Variants in PCBP3 observed in about 807,000 individuals in gnomAD.
PCBP3 encodes poly(rC)-binding protein 3.
PCBP3 carries 25 observed loss-of-function variants against 52.7 expected under a neutral mutation model. The ratio of observed to expected loss-of-function variants is 0.47; its 90% CI spans 0.35 to 0.66. The LOEUF (loss-of-function observed/expected upper bound fraction) is 0.66, where lower values mean the gene tolerates loss of function less well. PCBP3 is among the 30% of genes least tolerant of loss of function. The probability of loss-of-function intolerance (pLI) is 0.01; values close to 1 mark genes in which losing one functional copy is unlikely to be tolerated. For synonymous variants in PCBP3, 162 were observed against 183.0 expected (o/e 0.89, Z 0.93); for missense variants, 391 against 490.3 (o/e 0.80, Z 1.91).
intron 12 of PCBP3, chr21:45,916,184 T>C (rs2073374855): frequency 6.6e-6 from 1 of 152,242 alleles, no homozygotes; most frequent in Non-Finnish European, 1.5e-5. Context: ...ATGCTTGAGC[T>C]CTTGTGGTTC....
At position 45,741,413 on chromosome 21, in the gene PCBP3, G is replaced by A. The variant is rs1298924076; in HGVS notation, c.-162+5984G>A. Among the ~76,000 whole-genome samples the A allele has an allele frequency of 1.3e-5, 2 of 152,166 alleles. No homozygotes were observed. The highest frequency in any genetic ancestry group is 1.9e-4 in the East Asian group (1 of 5,192). On this transcript the variant is annotated intron_variant, in intron 3 of 17. Transcript: ENST00000681687. The surrounding 1 kb of genome is among the most constrained non-coding windows in gnomAD (Gnocchi z 4.5). Reference sequence around the variant, plus strand: ...AGTCCTGGAAAGTGGGGAGGAGGGCGAGGTAGGGGCTCAGGAGAGTCAGTG... The same window carrying A: ...AGTCCTGGAAAGTGGGGAGGAGGGCAAGGTAGGGGCTCAGGAGAGTCAGTG...
chr21:45,756,908 G>A (rs914748436), intron 4 of PCBP3, among the ~76,000 whole-genome samples: 5 of 152,076 alleles, frequency 3.3e-5, no homozygotes, highest in South Asian at 2.1e-4. Flanking sequence ...TATAGTTGAC[G>A]GGTATTTAGT....
At chr21:45,806,185 C>T (rs1252135585) in intron 4 of PCBP3, among the ~76,000 whole-genome samples, 1 of 152,224 alleles carries the variant, frequency 6.6e-6, no homozygotes, top group East Asian at 1.9e-4. Flanking sequence ...GCAGAATCAC[C>T]CTCGTGGCAG....
At chr21:45,803,109 T>C (rs192281323) in intron 4 of PCBP3, among the ~76,000 whole-genome samples, 1 of 152,342 alleles carries the variant, frequency 6.6e-6, no homozygotes, top group East Asian at 1.9e-4. Context: ...GAAAACAGCC[T>C]GTCTCTGCCT....
At chr21:45,733,515 TCTC>T (rs1476876164) in intron 2 of PCBP3, among the ~76,000 whole-genome samples, 2 of 152,008 alleles carry the variant, frequency 1.3e-5, no homozygotes, top group Non-Finnish European at 1.5e-5. Flanking sequence ...ATGGTCTCGA[TCTC>T]CTGACCTCAT....
intron 2 of PCBP3, among the ~76,000 whole-genome samples, chr21:45,674,424 A>G (rs1484060549): frequency 6.6e-6 from 1 of 152,202 alleles, no homozygotes; most frequent in Non-Finnish European, 1.5e-5. Flanking sequence ...GCCCAAGACC[A>G]TGATTCTGTC....
At chr21:45,645,959 G>T (rs139111280) in intron 1 of PCBP3, among the ~76,000 whole-genome samples, 169 of 152,220 alleles carry the variant, frequency 1.1e-3, no homozygotes, top group Middle Eastern at 0.01. Flanking sequence ...TTTTGGGGCA[G>T]CTCTGATGTC....
chr21:45,888,880 T>C (rs1049765176), intron 5 of PCBP3, among the ~76,000 whole-genome samples: 2 of 151,970 alleles, frequency 1.3e-5, no homozygotes, highest in African/African-American at 4.8e-5. Context: ...GTTTGCACAT[T>C]AAATCACACA....
At chr21:45,662,799 C>T (rs753785855) in intron 1 of PCBP3, among the ~76,000 whole-genome samples, 1 of 152,082 alleles carries the variant, frequency 6.6e-6, no homozygotes, top group Non-Finnish European at 1.5e-5. Flanking sequence ...TTAGAGGGCT[C>T]CTTGGTCTAG....
intron 1 of PCBP3, among the ~76,000 whole-genome samples, chr21:45,647,568 G>T (rs1417891526): frequency 6.6e-6 from 1 of 152,196 alleles, no homozygotes; most frequent in African/African-American, 2.4e-5. Context: ...TTATAATTGG[G>T]CATGGATTGG....
At chr21:45,833,195 C>T (rs961272781) in intron 4 of PCBP3, among the ~76,000 whole-genome samples, 4 of 152,240 alleles carry the variant, frequency 2.6e-5, no homozygotes, top group Non-Finnish European at 4.4e-5. Flanking sequence ...GATACCCCCA[C>T]CTCGCGGTTA....
In PCBP3 at chr21:45,829,596, A is replaced by G. The variant is rs1341448674; in HGVS notation, c.-125-20365A>G. On this transcript the variant is annotated intron_variant, in intron 4 of 17. Transcript: ENST00000681687. The surrounding 1 kb of genome is among the most constrained non-coding windows in gnomAD (Gnocchi z 5.2). Reference sequence around the variant, plus strand: ...GTAAGAAGCCAAGCCACAGGAAGCTACTTTCCTTGTGCAAATCCTGGGTTA... The same window carrying G: ...GTAAGAAGCCAAGCCACAGGAAGCTGCTTTCCTTGTGCAAATCCTGGGTTA... The G allele has an allele frequency of 6.6e-6, 1 of 152,150 alleles. No homozygotes were observed. Among genetic ancestry groups the G allele is most frequent in the Non-Finnish European group, 1.5e-5 (1 of 68,040 alleles). The allele number at this position is 152,150 out of a possible 1,614,324, so 9.4% of individuals were successfully genotyped here.
chr21:45,882,031 G>A (rs1457025533), intron 5 of PCBP3, among the ~76,000 whole-genome samples: 4 of 152,140 alleles, frequency 2.6e-5, no homozygotes, highest in Admixed American at 1.3e-4. Context: ...TCACTATAGT[G>A]ACTTTGGGTA....
In PCBP3 at chr21:45,785,001, C is replaced by T. The variant is rs1282814284; in HGVS notation, c.-126+29549C>T. Among the ~76,000 whole-genome samples, 3 of 151,978 alleles carry T rather than the reference C, an allele frequency of 2.0e-5. No individual in the cohort carries two copies. The East Asian group carries it at 5.8e-4, about 30-fold the overall frequency. Reference sequence around the variant, plus strand: ...GAGCGTCTCTGCCCGGCCGCCATCCCATCTAGGAAGTGAGGAGCGTCTCTG... The same window carrying T: ...GAGCGTCTCTGCCCGGCCGCCATCCTATCTAGGAAGTGAGGAGCGTCTCTG... On this transcript the variant is annotated intron_variant, in intron 4 of 17. Coordinates refer to ENST00000681687, the MANE Select transcript of PCBP3 (RefSeq NM_001384156.1).
chr21:45,816,634 G>A (rs2092972357), intron 4 of PCBP3, among the ~76,000 whole-genome samples: 1 of 149,914 alleles, frequency 6.7e-6, no homozygotes. Flanking sequence ...TTGTCCCGCT[G>A]GAAGGTCCTC....
At chr21:45,690,125 G>A (rs2082372661) in intron 2 of PCBP3, among the ~76,000 whole-genome samples, 1 of 152,134 alleles carries the variant, frequency 6.6e-6, no homozygotes, top group Admixed American at 6.5e-5. Flanking sequence ...GCATATGATA[G>A]CATAGGGATA....
Position 45,899,641 on chromosome 21 carries a change from T to C in PCBP3, c.189+19T>C. ...CGGGAAGGTAATTATTGATTGAATC[T>C]CTGCCTCTCCTGGGGTCTCTGTAAG... On this transcript the variant is annotated intron_variant, in intron 7 of 17. Transcript: ENST00000681687. 1 of 1,597,904 alleles carries C rather than the reference T, an allele frequency of 6.3e-7. No individual in the cohort carries two copies.
intron 4 of PCBP3, chr21:45,828,079 G>A (rs535017923): frequency 6.6e-6 from 1 of 152,438 alleles, no homozygotes; most frequent in South Asian, 2.1e-4. Context: ...TGTTGGAGCA[G>A]AGCAGTGAGA....
Position 45,917,506 on chromosome 21 carries a change from T to C in PCBP3, c.676-82T>C. On this transcript the variant is annotated intron_variant, in intron 12 of 17. Coordinates refer to ENST00000681687, the MANE Select transcript of PCBP3 (RefSeq NM_001384156.1). This position sits in a 1 kb window ranked among gnomAD's most constrained non-coding sequence, Gnocchi z 5.3. ...GGGGGAAGCTTCTACCGGAGGGTCC[T>C]TGTCATGCTGGAGGGTGGCGGCGGG... is the stretch of plus-strand genomic sequence containing the variant. The C allele has an allele frequency of 1.8e-6, 2 of 1,092,670 alleles. No individual in the cohort carries two copies. The highest frequency in any genetic ancestry group is 1.7e-5 in the Admixed American group (1 of 59,000). The allele number at this position is 1,092,670 out of a possible 1,614,324, so 67.7% of individuals were successfully genotyped here.
Sources: gnomAD v4.1 joint callset for allele counts (sites outside exome capture counted in the v4.1 genomes callset) on GRCh38, gnomAD v4.1.1 for gene constraint, Gnocchi (gnomAD v3.1) non-coding constraint, MANE v1.5 for transcripts, NCBI Gene and HGNC (gene_info 2026-07-23, HGNC 2026-07-21) for gene names.